Variants in SSBP4 observed in about 807,000 individuals in gnomAD.
SSBP4 encodes the protein single-stranded DNA-binding protein 4.
A neutral mutation model predicts 64.6 loss-of-function variants in SSBP4; 33 were observed. The observed-to-expected ratio is 0.51, with a 90% confidence interval of 0.39 to 0.68. The LOEUF (loss-of-function observed/expected upper bound fraction) is 0.68, where lower values mean the gene tolerates loss of function less well. SSBP4 is among the 30% of genes least tolerant of loss of function. The probability of loss-of-function intolerance (pLI) is 0.00; values close to 1 mark genes in which losing one functional copy is unlikely to be tolerated. For synonymous variants in SSBP4, 243 were observed against 224.0 expected (o/e 1.08, Z -0.76); for missense variants, 583 against 566.8 (o/e 1.03, Z -0.29).
At chr19:18,404,143 G>A in the SSBP4 span, among the ~76,000 whole-genome samples, 1 of 151,956 alleles carries the variant, frequency 6.6e-6, no homozygotes, top group South Asian at 2.1e-4. Flanking sequence ...GAAACGCCCA[G>A]GGATGCCCAG....
At chr19:18,424,969 A>G in intron 1 of SSBP4, among the ~76,000 whole-genome samples, 1 of 151,416 alleles carries the variant, frequency 6.6e-6, no homozygotes. Context: ...AGGCCATAGC[A>G]CCCTCTGGAC....
At chr19:18,432,475 T>C in intron 10 of SSBP4, 84 bp from the exon 11 acceptor site, 1 of 1,500,192 alleles carries the variant, frequency 6.7e-7, no homozygotes, top group Non-Finnish European at 9.0e-7. Flanking sequence ...GGGGATACAG[T>C]GGAGCAGGGT....
rs369266650 is a variant in SSBP4, at chr19:18,427,913, G to A, written c.210G>A (p.Leu70=). 1.3e-5 allele frequency: 21 copies of A among 1,613,778 alleles called. No homozygotes were observed. The Admixed American group carries it at 1.5e-4, about 12-fold the overall frequency. Residue 70 remains leucine, a synonymous_variant, in exon 4 of 18, where the codon CTG becomes CTA. Transcript: ENST00000270061. This position sits in a 1 kb window ranked among gnomAD's most constrained non-coding sequence, Gnocchi z 4.4. ...LHSWWCVFWD[L]YCAAPDRREA... ...TGGCCCACAGCGTCTTCTGGGACCT[G>A]TACTGCGCGGCGCCTGACAGAAGAG...
At position 18,432,016 on chromosome 19, in the gene SSBP4, C is replaced by T. The variant is rs368498567; in HGVS notation, c.582C>T (p.Gly194=). Reference sequence around the variant, plus strand: ...CCACCCCAGGGCATCCGAGCATGGGCGGCCCAATGCAGAGGGTGACGCCTC... The same window carrying T: ...CCACCCCAGGGCATCCGAGCATGGGTGGCCCAATGCAGAGGGTGACGCCTC... ...SPRAQGHPSM[G]GPMQRVTPPR... is the part of the protein sequence containing the mutation. Residue 194 remains glycine, a synonymous_variant, in exon 9 of 18, where the codon GGC becomes GGT. Transcript: ENST00000270061. The T allele has an allele frequency of 1.1e-5, 17 of 1,568,608 alleles. No homozygotes were observed. The highest frequency in any genetic ancestry group is 6.7e-5 in the African/African-American group (5 of 74,096).
At position 18,434,394 on chromosome 19, in the gene SSBP4, T is replaced by TA. The variant is rs2049597291; in HGVS notation, c.*149dup. 2 of 1,371,770 alleles carry TA rather than the reference T, an allele frequency of 1.5e-6. No homozygotes were observed. The highest frequency in any genetic ancestry group is 2.7e-5 in the East Asian group (1 of 37,372). The allele number at this position is 1,371,770 out of a possible 1,614,324, so 85.0% of individuals were successfully genotyped here. ...TGGGAGGCCCCACACGAAAGACTCT[T>TA]ACCATTTTATTAAAAACGCAAGGAC... On this transcript the variant is annotated 3_prime_UTR_variant, in exon 18 of 18. Coordinates refer to ENST00000270061, the MANE Select transcript of SSBP4 (RefSeq NM_032627.5).
chr19:18,404,373 C>G, the SSBP4 span, among the ~76,000 whole-genome samples: 1 of 151,810 alleles, frequency 6.6e-6, no homozygotes. Flanking sequence ...GCAGGTGGAT[C>G]ACCTGAGGTC....
upstream of SSBP4, among the ~76,000 whole-genome samples, chr19:18,415,580 G>GGAGGAAGAGGAGGAGGGA (rs1307284241): frequency 2.6e-5 from 4 of 152,256 alleles, no homozygotes; most frequent in East Asian, 5.8e-4. Flanking sequence ...TGGAGGAGGA[G>GGAGGAAGAGGAGGAGGGA]GAGGAAGAGG....
chr19:18,431,195 TGGTGACCACTGGTGCCTGAGTC>T (rs1973343335), intron 5 of SSBP4, among the ~76,000 whole-genome samples, 136 bp from the exon 6 acceptor site: 1 of 52,082 alleles, frequency 1.9e-5, no homozygotes, highest in African/African-American at 2.1e-4. Context: ...ACAGTGGTCC[TGGTGACCACTGGTGCCTGAGTC>T]CTGCCCTCAA....
chr19:18,427,435 C>A lies in SSBP4; in HGVS notation c.132+12C>A. On this transcript the variant is annotated intron_variant, in intron 2 of 17. Coordinates refer to ENST00000270061, the MANE Select transcript of SSBP4 (RefSeq NM_032627.5). This position sits in a 1 kb window ranked among gnomAD's most constrained non-coding sequence, Gnocchi z 4.4. The stretch of plus-strand genomic sequence containing the variant: ...CCTTCCTGTCTGAGGTAAGCCACCA[C>A]CTCCAGGCTGGCCCTCCCTCCTCAC... 6.2e-7 allele frequency: 1 copy of A among 1,608,362 alleles called. No individual in the cohort carries two copies. The highest frequency in any genetic ancestry group is 8.5e-7 in the Non-Finnish European group (1 of 1,179,746).
At chr19:18,413,275 C>T in the SSBP4 span, among the ~76,000 whole-genome samples, 1 of 150,816 alleles carries the variant, frequency 6.6e-6, no homozygotes, top group Non-Finnish European at 1.5e-5. Context: ...ATGGCACAAT[C>T]TCAGCTCACG....
intron 4 of SSBP4, among the ~76,000 whole-genome samples, chr19:18,429,240 AGGGGGGCGG>A (rs1399069389): frequency 6.7e-6 from 1 of 148,650 alleles, no homozygotes; most frequent in Non-Finnish European, 1.5e-5. Flanking sequence ...GAGGCGGGGG[AGGGGGGCGG>A]GGGGGGCTCT....
chr19:18,407,034 A>T, the SSBP4 span, among the ~76,000 whole-genome samples: 11 of 151,454 alleles, frequency 7.3e-5, 1 homozygote, highest in African/African-American at 2.4e-4. Flanking sequence ...TTTTTATTTT[A>T]TTATTATTAT....
chr19:18,427,851 G>T lies in SSBP4; in HGVS notation c.194+38G>T. ...CTGCTGTGGGTGGGCTGTGGAAGGGGGTTGAGGGAGGCACGTGGAGCAACC... is the reference window on the plus strand; with the variant it reads ...CTGCTGTGGGTGGGCTGTGGAAGGGTGTTGAGGGAGGCACGTGGAGCAACC... On this transcript the variant is annotated intron_variant, in intron 3 of 17. Coordinates refer to ENST00000270061, the MANE Select transcript of SSBP4 (RefSeq NM_032627.5). The surrounding 1 kb of genome is among the most constrained non-coding windows in gnomAD (Gnocchi z 4.4). 2 of 1,613,854 alleles carry T rather than the reference G, an allele frequency of 1.2e-6. No individual in the cohort carries two copies. Among genetic ancestry groups the T allele is most frequent in the Non-Finnish European group, 1.7e-6 (2 of 1,179,818 alleles).
intron 15 of SSBP4, 138 bp downstream of exon 15, chr19:18,433,351 C>A: frequency 7.7e-7 from 1 of 1,295,218 alleles, no homozygotes; most frequent in Non-Finnish European, 1.1e-6. Context: ...CGCTCAGTGA[C>A]AGGGGCTGCC....
Position 18,423,044 on chromosome 19 carries a change from C to T in SSBP4, c.59+3337C>T, listed in dbSNP as rs1287642847. 1.3e-5 allele frequency among the ~76,000 whole-genome samples: 2 copies of T among 152,130 alleles called. No individual in the cohort carries two copies. Among genetic ancestry groups the T allele is most frequent in the Admixed American group, 6.5e-5 (1 of 15,272 alleles). ...TGGTGGGTGCCTGCCCTCGGGGGCT[C>T]GCAGCAGATGGCAGTGACTGTGGAG... On this transcript the variant is annotated intron_variant, in intron 1 of 17. Coordinates refer to ENST00000270061, the MANE Select transcript of SSBP4 (RefSeq NM_032627.5). The surrounding 1 kb of genome is among the most constrained non-coding windows in gnomAD (Gnocchi z 4.0).
chr19:18,424,343 C>T (rs1316450808), intron 1 of SSBP4, among the ~76,000 whole-genome samples: 1 of 152,146 alleles, frequency 6.6e-6, no homozygotes, highest in Non-Finnish European at 1.5e-5. Flanking sequence ...ATTCTAAGGT[C>T]GTTGCAGTGA....
chr19:18,406,783 G>A, the SSBP4 span, among the ~76,000 whole-genome samples: 1 of 152,288 alleles, frequency 6.6e-6, no homozygotes, highest in Admixed American at 6.5e-5. Context: ...GAAGTCTGGA[G>A]GGGTCTGAGG....
chr19:18,434,115 G>A (rs1973799923), intron 17 of SSBP4, 102 bp from the exon 18 acceptor site: 2 of 1,473,202 alleles, frequency 1.4e-6, no homozygotes, highest in Non-Finnish European at 1.8e-6. Context: ...TGTCTGCCCA[G>A]GACCCAGCCC....
chr19:18,422,061 T>C (rs1972502866), intron 1 of SSBP4, among the ~76,000 whole-genome samples: 1 of 152,134 alleles, frequency 6.6e-6, no homozygotes, highest in East Asian at 1.9e-4. Context: ...CTCTGGAGGC[T>C]GAGGTGAAAG....
Sources: allele counts gnomAD v4.1 joint callset (sites outside exome capture counted in the v4.1 genomes callset), GRCh38; gene constraint gnomAD v4.1.1; non-coding constraint Gnocchi (gnomAD v3.1); transcripts MANE v1.5; gene names NCBI Gene and HGNC (gene_info 2026-07-23, HGNC 2026-07-21).